Variants in PBX3 observed in about 807,000 individuals in gnomAD.
The protein encoded by PBX3 is pre-B-cell leukemia transcription factor 3.
In PBX3, 14 loss-of-function variants were observed where a neutral mutation model predicts 48.5. The ratio of observed to expected loss-of-function variants is 0.29; its 90% CI spans 0.19 to 0.45. The LOEUF is 0.45. Ranked by LOEUF, PBX3 falls within the 20% of genes least tolerant of loss-of-function variation. The pLI is 1.00. For synonymous variants in PBX3, 210 were observed against 200.3 expected (o/e 1.05, Z -0.41); for missense variants, 386 against 546.7 (o/e 0.71, Z 2.93).
In PBX3 at chr9:125,758,550, A is replaced by G. The variant is rs1220944823; in HGVS notation, c.274+9927A>G. ...TTCCAATATAAAAAAGTAGCTGTCA[A>G]CCATTGTAATGTGAAAAAAAGATAA... is the stretch of plus-strand genomic sequence containing the variant. On this transcript the variant is annotated intron_variant, in intron 2 of 8. Coordinates refer to ENST00000373489, the MANE Select transcript of PBX3 (RefSeq NM_006195.6). Among the ~76,000 whole-genome samples, 3 of 152,194 alleles carry G rather than the reference A, an allele frequency of 2.0e-5. No homozygotes were observed. In the East Asian group the frequency reaches 5.8e-4, roughly 29 times the overall value.
Position 125,929,745 on chromosome 9 carries a change from G to A in PBX3, c.607G>A (p.Val203Met), listed in dbSNP as rs1841673221. The change falls in exon 4 of 9, where the codon GTG becomes ATG. Residue 203 changes from valine (V) to methionine (M), a missense_variant. Val to Met is a conservative substitution (Grantham distance 21, BLOSUM62 1). Around this residue, in one of 4 missense-constraint regions of PBX3, gnomAD observed 74 missense variants for 206.1 expected, o/e 0.36. Transcript: ENST00000373489. ...PISPKEIERM[V>M]GIIHRKFSSI... ...TTCTCCAAAAGAGATTGAAAGAATG[G>A]TGGGCATCATCCATCGAAAATTTAG... 1.2e-6 allele frequency: 2 copies of A among 1,613,514 alleles called. No homozygotes were observed. The highest frequency in any genetic ancestry group is 1.3e-5 in the African/African-American group (1 of 74,860).
chr9:125,862,618 C>T (rs147930245), intron 2 of PBX3, among the ~76,000 whole-genome samples: 113 of 152,188 alleles, frequency 7.4e-4, no homozygotes, highest in African/African-American at 2.6e-3. Flanking sequence ...ATCTCCTGAC[C>T]TCGTGATCAG....
At chr9:125,833,488 CA>C (rs770658784) in intron 2 of PBX3, among the ~76,000 whole-genome samples, 170 of 137,976 alleles carry the variant, frequency 1.2e-3, no homozygotes, top group African/African-American at 2.2e-3. Context: ...GACGCTGTCT[CA>C]AAAAAAAAAA....
At chr9:125,929,615 A>C (rs1841669834) in intron 3 of PBX3, 40 bp from the exon 4 acceptor site, 1 of 1,395,154 alleles carries the variant, frequency 7.2e-7, no homozygotes, top group Non-Finnish European at 1.0e-6. Context: ...GTGTGATAGT[A>C]GATAGTTTCC....
At chr9:125,828,593 A>C (rs928806130) in intron 2 of PBX3, among the ~76,000 whole-genome samples, 1 of 152,182 alleles carries the variant, frequency 6.6e-6, no homozygotes, top group African/African-American at 2.4e-5. Context: ...TCAGTTTTTT[A>C]AACTACTTTC....
intron 2 of PBX3, among the ~76,000 whole-genome samples, chr9:125,792,816 A>G (rs1217292221): frequency 2.7e-5 from 4 of 150,584 alleles, no homozygotes; most frequent in Non-Finnish European, 5.9e-5. Context: ...CTCCTGCCTC[A>G]GCCTCCCGAG....
intron 2 of PBX3, among the ~76,000 whole-genome samples, chr9:125,757,704 A>T (rs949424046): frequency 5.3e-5 from 8 of 152,188 alleles, no homozygotes; most frequent in Non-Finnish European, 1.2e-4. Context: ...TTACACTAAC[A>T]TGAAAAGTTG....
At chr9:125,761,873 T>C (rs1836678049) in intron 2 of PBX3, among the ~76,000 whole-genome samples, 1 of 152,254 alleles carries the variant, frequency 6.6e-6, no homozygotes, top group Admixed American at 6.5e-5. Context: ...GAGGCTCTCA[T>C]GGTAATGATG....
chr9:125,895,834 C>T (rs543081187), intron 2 of PBX3, among the ~76,000 whole-genome samples: 35 of 152,132 alleles, frequency 2.3e-4, no homozygotes, highest in Non-Finnish European at 1.5e-5. Context: ...TCTTCCATGT[C>T]TGTGTTCAAA....
At chr9:125,855,769 A>ATTTT (rs1298808322) in intron 2 of PBX3, among the ~76,000 whole-genome samples, 7 of 152,126 alleles carry the variant, frequency 4.6e-5, no homozygotes, top group African/African-American at 7.2e-5. Flanking sequence ...TACAGATGAA[A>ATTTT]GTTTTGTTTC....
chr9:125,960,734 C>G lies in PBX3; in HGVS notation c.894C>G (p.Gly298=), dbSNP rs1842410614. Residue 298 remains glycine (G), a synonymous_variant, in exon 6 of 9, where the codon GGC becomes GGG. Coordinates refer to ENST00000373489, the MANE Select transcript of PBX3 (RefSeq NM_006195.6). ...NKRIRYKKNI[G]KFQEEANLYA... is the part of the protein sequence containing the mutation. The stretch of plus-strand genomic sequence containing the variant: ...GAATCAGGTACAAGAAGAACATTGG[C>G]AAGTTTCAGGAAGAAGCCAACCTCT... The G allele has an allele frequency of 6.2e-7, 1 of 1,614,070 alleles. No homozygotes were observed. Among genetic ancestry groups the G allele is most frequent in the African/African-American group, 1.3e-5 (1 of 74,938 alleles).
rs774601254 is a variant in PBX3, at chr9:125,797,957, G to A, written c.274+49334G>A. The stretch of plus-strand genomic sequence containing the variant: ...CATGAAGCAGTTTTTATTTATCATA[G>A]ACTGTGAGAGAAATAGCAACCGGTT... On this transcript the variant is annotated intron_variant, in intron 2 of 8. Coordinates refer to ENST00000373489, the MANE Select transcript of PBX3 (RefSeq NM_006195.6). Among the ~76,000 whole-genome samples the A allele has an allele frequency of 2.0e-5, 3 of 152,108 alleles. No individual in the cohort carries two copies. The South Asian group carries it at 6.2e-4, about 31-fold the overall frequency.
chr9:125,911,307 G>A (rs1488703580), intron 2 of PBX3, among the ~76,000 whole-genome samples: 1 of 152,072 alleles, frequency 6.6e-6, no homozygotes, highest in African/African-American at 2.4e-5. Context: ...GAGAAAAGTA[G>A]CAACACGTCT....
intron 2 of PBX3, among the ~76,000 whole-genome samples, chr9:125,894,616 G>T (rs1352139448): frequency 6.6e-6 from 1 of 151,972 alleles, no homozygotes; most frequent in Non-Finnish European, 1.5e-5. Flanking sequence ...TTCAATTCAT[G>T]CCTACAGCCA....
chr9:125,886,467 A>G (rs917794017), intron 2 of PBX3, among the ~76,000 whole-genome samples: 2 of 152,106 alleles, frequency 1.3e-5, no homozygotes, highest in African/African-American at 4.8e-5. Flanking sequence ...ATTGTTCTTG[A>G]CATCCCGAAT....
At chr9:125,792,931 C>A (rs971502784) in intron 2 of PBX3, among the ~76,000 whole-genome samples, 3 of 151,990 alleles carry the variant, frequency 2.0e-5, no homozygotes, top group African/African-American at 7.2e-5. Context: ...AACTCCTGAC[C>A]TTGTGATCCA....
At chr9:125,764,959 T>C (rs879067646) in intron 2 of PBX3, among the ~76,000 whole-genome samples, 27 of 152,042 alleles carry the variant, frequency 1.8e-4, no homozygotes, top group Admixed American at 1.2e-3. Context: ...CTGTGAAGGC[T>C]GCAGAGTCTA....
At chr9:125,823,886 G>A (rs1838731090) in intron 2 of PBX3, among the ~76,000 whole-genome samples, 1 of 152,006 alleles carries the variant, frequency 6.6e-6, no homozygotes, top group Non-Finnish European at 1.5e-5. Context: ...GACCAGCTTG[G>A]CCAACATGGT....
intron 5 of PBX3, among the ~76,000 whole-genome samples, chr9:125,950,434 G>A (rs1234046542): frequency 6.7e-6 from 1 of 150,004 alleles, no homozygotes; most frequent in Non-Finnish European, 1.5e-5. Flanking sequence ...AAAGTGGGAT[G>A]TTTTCCAAAA....
Sources: allele counts gnomAD v4.1 joint callset (sites outside exome capture counted in the v4.1 genomes callset), GRCh38; gene constraint gnomAD v4.1.1; regional missense constraint gnomAD v4.1.1; transcripts MANE v1.5; gene names NCBI Gene and HGNC (gene_info 2026-07-23, HGNC 2026-07-21).